The following ARL15 variants were observed in gnomAD, a reference collection of about 807,000 sequenced individuals.
ARL15 encodes the protein ADP-ribosylation factor-like protein 15.
In ARL15, 19 loss-of-function variants were observed where a neutral mutation model predicts 25.2. The ratio of observed to expected loss-of-function variants is 0.75; its 90% CI spans 0.53 to 1.10. The LOEUF (loss-of-function observed/expected upper bound fraction) is 1.10. ARL15 is among the 50% of genes least tolerant of loss of function. The pLI is 0.00. For synonymous variants in ARL15, 94 were observed against 86.8 expected, an observed-to-expected ratio of 1.08 and a Z score of -0.46; for missense variants, 220 against 246.0, an observed-to-expected ratio of 0.89 and a Z score of 0.71.
chr5:54,089,750 T>C (rs1223283242), intron 4 of ARL15, among the ~76,000 whole-genome samples: 5 of 152,148 alleles, frequency 3.3e-5, no homozygotes, highest in Non-Finnish European at 4.4e-5. Context: ...ATGAAAAGGA[T>C]GAAAGAAATT....
intron 2 of ARL15, among the ~76,000 whole-genome samples, chr5:54,166,196 T>C (rs1349605453): frequency 1.3e-5 from 2 of 151,962 alleles, no homozygotes; most frequent in African/African-American, 2.4e-5. Context: ...CTCTCTCTCT[T>C]TTTTTCCCCC....
At chr5:54,021,652 CCTTTGTGTCACT>C (rs778746396) in intron 4 of ARL15, among the ~76,000 whole-genome samples, 3 of 152,100 alleles carry the variant, frequency 2.0e-5, no homozygotes, top group Non-Finnish European at 2.9e-5. Flanking sequence ...TCGAAGATTT[CCTTTGTGTCACT>C]GAAGTTTCAG....
chr5:54,190,364 G>A (rs2112454543), intron 1 of ARL15, among the ~76,000 whole-genome samples: 1 of 151,154 alleles, frequency 6.6e-6, no homozygotes, highest in African/African-American at 2.4e-5. Flanking sequence ...CTGCACTCCA[G>A]CCTAGGTGAT....
chr5:54,259,982 G>A (rs1757460650), intron 1 of ARL15, among the ~76,000 whole-genome samples: 2 of 152,182 alleles, frequency 1.3e-5, no homozygotes, highest in African/African-American at 4.8e-5. Flanking sequence ...TGCAGGAAAT[G>A]CTAGAATTCA....
intron 1 of ARL15, among the ~76,000 whole-genome samples, chr5:54,243,803 G>T (rs1289258860): frequency 6.6e-6 from 1 of 152,156 alleles, no homozygotes; most frequent in Non-Finnish European, 1.5e-5. Context: ...TATTTTGCTT[G>T]ACACACAATT....
intron 3 of ARL15, among the ~76,000 whole-genome samples, chr5:54,144,542 A>G (rs954065433): frequency 6.6e-6 from 1 of 152,042 alleles, no homozygotes; most frequent in Non-Finnish European, 1.5e-5. Flanking sequence ...TGATCACTCT[A>G]TTACCTCTAG....
intron 4 of ARL15, chr5:53,951,640 T>A (rs373259506): frequency 1.0e-4 from 42 of 420,384 alleles, no homozygotes; most frequent in Non-Finnish European, 1.8e-4. Context: ...ATATACTCCT[T>A]CCCTATATAT....
At chr5:54,114,086 CA>C (rs944784799) in intron 3 of ARL15, among the ~76,000 whole-genome samples, 3 of 151,448 alleles carry the variant, frequency 2.0e-5, no homozygotes, top group African/African-American at 7.3e-5. Context: ...TTAAAACAAA[CA>C]AATAAACAAA....
intron 4 of ARL15, among the ~76,000 whole-genome samples, chr5:53,945,781 T>A (rs1746705583): frequency 6.6e-6 from 1 of 152,224 alleles, no homozygotes. Context: ...TAAATTTATG[T>A]TAAAGTAAAA....
intron 4 of ARL15, among the ~76,000 whole-genome samples, chr5:54,012,007 CA>C (rs11293413): frequency 0.28 from 41,768 of 147,444 alleles, 6,004 homozygotes; most frequent in East Asian, 0.46. Context: ...GACTCTGTCT[CA>C]AAAAAAAAAG....
chr5:54,269,792 C>T (rs1216511560), intron 1 of ARL15, among the ~76,000 whole-genome samples: 1 of 152,120 alleles, frequency 6.6e-6, no homozygotes, highest in African/African-American at 2.4e-5. Context: ...ATTACAGATG[C>T]CTGCCACCAC....
At chr5:54,083,503 A>G (rs1330786582) in intron 4 of ARL15, among the ~76,000 whole-genome samples, 1 of 152,240 alleles carries the variant, frequency 6.6e-6, no homozygotes, top group Non-Finnish European at 1.5e-5. Context: ...GAATCTGAAT[A>G]TACTTAAATG....
At chr5:54,071,467 AT>A (rs77676192) in intron 4 of ARL15, among the ~76,000 whole-genome samples, 4 of 144,154 alleles carry the variant, frequency 2.8e-5, no homozygotes, top group African/African-American at 7.7e-5. Flanking sequence ...TCTAAATCAG[AT>A]TTTTTTTTCA....
At chr5:54,017,601 A>C (rs1456133643) in intron 4 of ARL15, among the ~76,000 whole-genome samples, 1 of 147,972 alleles carries the variant, frequency 6.8e-6, no homozygotes, top group African/African-American at 2.5e-5. Context: ...AAAAAAAAAA[A>C]AAACCCAAAC....
At chr5:54,096,574 C>T (rs1456230811) in intron 4 of ARL15, among the ~76,000 whole-genome samples, 2 of 152,074 alleles carry the variant, frequency 1.3e-5, no homozygotes, top group Non-Finnish European at 2.9e-5. Context: ...CCACACCCAG[C>T]TAATTTTTGT....
chr5:54,286,280 T>C (rs749102598), intron 1 of ARL15: 2 of 152,172 alleles, frequency 1.3e-5, no homozygotes, highest in Non-Finnish European at 2.9e-5. Flanking sequence ...GCTAATAAAA[T>C]TGGCCTCTCA....
chr5:54,132,461 G>A (rs1176946820), intron 3 of ARL15, among the ~76,000 whole-genome samples: 1 of 151,912 alleles, frequency 6.6e-6, no homozygotes, highest in Non-Finnish European at 1.5e-5. Context: ...ACTAAAAACA[G>A]TCATATTTTT....
At chr5:53,998,794 T>C (rs1748766818) in intron 4 of ARL15, among the ~76,000 whole-genome samples, 1 of 152,122 alleles carries the variant, frequency 6.6e-6, no homozygotes, top group Non-Finnish European at 1.5e-5. Flanking sequence ...GGTCCCTGCT[T>C]ATGGTCTAAA....
Position 54,136,087 on chromosome 5 carries a change from GTATATAAAAA to G in ARL15, c.253+18483_253+18492del, listed in dbSNP as rs1753594749. On this transcript the variant is annotated intron_variant, in intron 3 of 4. Transcript: ENST00000504924. ...CTTGTTATTCAGGTAAACTGTAAAAGTATATAAAAATATATAAGCCATCAAGAACAATGAA... is the reference window on the plus strand; with the variant it reads ...CTTGTTATTCAGGTAAACTGTAAAAGTATATAAGCCATCAAGAACAATGAA... 2.0e-5 allele frequency among the ~76,000 whole-genome samples: 3 copies of G among 152,096 alleles called. No homozygotes were observed. The East Asian group carries it at 5.8e-4, about 29-fold the overall frequency.
Sources: gnomAD v4.1 joint callset for allele counts (sites outside exome capture counted in the v4.1 genomes callset) on GRCh38, gnomAD v4.1.1 for gene constraint, MANE v1.5 for transcripts, NCBI Gene and HGNC (gene_info 2026-07-23, HGNC 2026-07-21) for gene names.